SCN10A: variants seen among roughly 807,000 people sequenced by gnomAD.
The protein encoded by SCN10A is sodium voltage-gated channel alpha subunit 10.
In SCN10A, 162 loss-of-function variants were observed where a neutral mutation model predicts 170.7. That is an observed-to-expected ratio of 0.95 (90% CI 0.84 to 1.08). The LOEUF is 1.08. SCN10A is among the 50% of genes least tolerant of loss of function. SCN10A has a pLI of 0.00. For synonymous variants in SCN10A, 985 were observed against 904.6 expected, an observed-to-expected ratio of 1.09 and a Z score of -1.59; for missense variants, 2,527 against 2,436.9, an observed-to-expected ratio of 1.04 and a Z score of -0.78.
At chr3:38,722,744 G>A (rs921582333) in intron 19 of SCN10A, among the ~76,000 whole-genome samples, 1 of 152,164 alleles carries the variant, frequency 6.6e-6, no homozygotes. Flanking sequence ...GGTGCCTGAG[G>A]GGGATATGCT....
intron 4 of SCN10A, among the ~76,000 whole-genome samples, chr3:38,780,467 A>G (rs772524427): frequency 6.6e-6 from 1 of 152,090 alleles, no homozygotes; most frequent in Non-Finnish European, 1.5e-5. Context: ...TAGTGACATG[A>G]CAGATTTGCT....
chr3:38,742,140 A>G, intron 14 of SCN10A, 151 bp downstream of exon 14: 1 of 627,908 alleles, frequency 1.6e-6, no homozygotes, highest in Non-Finnish European at 2.8e-6. Context: ...CAGTGTCCAC[A>G]TGTCTCCTGC....
At chr3:38,783,055 AG>A (rs2064157962) in intron 4 of SCN10A, among the ~76,000 whole-genome samples, 1 of 152,096 alleles carries the variant, frequency 6.6e-6, no homozygotes, top group African/African-American at 2.4e-5. Context: ...TCTCACACAA[AG>A]GGGAGAAAGC....
chr3:38,776,271 A>G (rs9876564), intron 4 of SCN10A, among the ~76,000 whole-genome samples: 2,175 of 152,154 alleles, frequency 0.014, 59 homozygotes, highest in African/African-American at 0.048. Context: ...CATGCTTTGT[A>G]TTTTTACAAT....
chr3:38,785,675 T>A (rs980926481), intron 4 of SCN10A, among the ~76,000 whole-genome samples: 13 of 152,134 alleles, frequency 8.5e-5, no homozygotes, highest in African/African-American at 2.7e-4. Context: ...CAAAAGAAAC[T>A]ATCATCAGAG....
intron 23 of SCN10A, 142 bp downstream of exon 23, chr3:38,712,019 C>T (rs751224909): frequency 2.0e-5 from 15 of 760,236 alleles, no homozygotes; most frequent in Middle Eastern, 2.5e-4. Context: ...ATGGTGTAGT[C>T]TGTAGGAATA....
At chr3:38,799,560 AGAG>A (rs1239644024) in intron 1 of SCN10A, among the ~76,000 whole-genome samples, 1 of 152,210 alleles carries the variant, frequency 6.6e-6, no homozygotes, top group Non-Finnish European at 1.5e-5. Flanking sequence ...GCAGGGAGAT[AGAG>A]GAGAAGTCCC....
intron 15 of SCN10A, among the ~76,000 whole-genome samples, chr3:38,738,845 C>T (rs187111894): frequency 3.9e-5 from 6 of 152,252 alleles, no homozygotes; most frequent in East Asian, 1.9e-4. Context: ...CTGTAGAGGG[C>T]GTCCTGGAGC....
chr3:38,786,677 G>C (rs917440668), intron 4 of SCN10A, among the ~76,000 whole-genome samples: 4 of 152,100 alleles, frequency 2.6e-5, no homozygotes, highest in Non-Finnish European at 5.9e-5. Flanking sequence ...GTGAGGTGTT[G>C]ATCCACCTAG....
intron 5 of SCN10A, among the ~76,000 whole-genome samples, chr3:38,765,131 T>A (rs2063917668): frequency 6.6e-6 from 1 of 152,342 alleles, no homozygotes; most frequent in East Asian, 1.9e-4. Flanking sequence ...GAAGCATAGA[T>A]AACAAAGATT....
chr3:38,701,654 T>C (rs1051106244), intron 27 of SCN10A, among the ~76,000 whole-genome samples, 185 bp downstream of exon 27: 6 of 152,218 alleles, frequency 3.9e-5, no homozygotes, highest in African/African-American at 9.6e-5. Context: ...AACCTCTTCA[T>C]TTCACTGAGA....
chr3:38,729,091 C>T lies in SCN10A; in HGVS notation c.2281-190G>A, dbSNP rs763134030. Among the ~76,000 whole-genome samples, 74 of 152,248 alleles carry T rather than the reference C, an allele frequency of 4.9e-4. 2 individuals are homozygous for T. The highest frequency in any genetic ancestry group is 2.1e-4 in the Non-Finnish European group (14 of 68,018). Reference sequence around the variant, plus strand: ...TAAATTACTCAAAAATATGATCTGCCTTCTATGGTTCATAAGTATCAATGT... The same window carrying T: ...TAAATTACTCAAAAATATGATCTGCTTTCTATGGTTCATAAGTATCAATGT... On this transcript the variant is annotated intron_variant, in intron 15 of 27. Coordinates refer to ENST00000449082, the MANE Select transcript of SCN10A (RefSeq NM_006514.4).
rs746128576 is a variant in SCN10A, at chr3:38,793,882, C to T, written c.129G>A (p.Glu43=). Residue 43 remains glutamate, a synonymous_variant, in exon 2 of 28, where the codon GAG becomes GAA. Transcript: ENST00000449082. ...GTKKAREKHR[E]QKDQEEKPRP... ...GAGGCTTCTCTTCTTGGTCCTTCTG[C>T]TCCCTATGCTTCTCTCTGGCTTTCT... 1.2e-6 allele frequency: 2 copies of T among 1,614,098 alleles called. No individual in the cohort carries two copies. The highest frequency in any genetic ancestry group is 2.2e-5 in the South Asian group (2 of 91,086).
intron 4 of SCN10A, among the ~76,000 whole-genome samples, chr3:38,772,669 A>T (rs2064018825): frequency 6.6e-6 from 1 of 150,768 alleles, no homozygotes. Flanking sequence ...AGTCTGGGTG[A>T]CAGAGCAAGA....
intron 12 of SCN10A, among the ~76,000 whole-genome samples, chr3:38,751,279 C>A (rs1007250126): frequency 6.6e-6 from 1 of 152,204 alleles, no homozygotes; most frequent in Non-Finnish European, 1.5e-5. Context: ...ATCCCTTCAG[C>A]CTAGGCATGT....
At chr3:38,781,529 A>G (rs1210919431) in intron 4 of SCN10A, among the ~76,000 whole-genome samples, 1 of 152,070 alleles carries the variant, frequency 6.6e-6, no homozygotes, top group Non-Finnish European at 1.5e-5. Context: ...CACCATATTC[A>G]CCTGACCTCT....
chr3:38,698,188 A>G lies in SCN10A; in HGVS notation c.5032T>C (p.Cys1678Arg), dbSNP rs1165524626. ...TTGCTGTTGGGCAGATTGGGGTCAC[A>G]GTAGGGGGGCCCTGTGTTGAGGATG... ...SPILNTGPPY[C>R]DPNLPNSNGT... The change falls in exon 28 of 28, where the codon TGT becomes CGT. Residue 1678 changes from cysteine to arginine, a missense_variant. By Grantham distance (180) the Cys-to-Arg change is radical. Transcript: ENST00000449082. 6.2e-7 allele frequency: 1 copy of G among 1,614,142 alleles called. No individual in the cohort carries two copies. Among genetic ancestry groups the G allele is most frequent in the Non-Finnish European group, 8.5e-7 (1 of 1,180,030 alleles).
chr3:38,718,609 AG>A, intron 21 of SCN10A, 43 bp downstream of exon 21: 1 of 1,602,548 alleles, frequency 6.2e-7, no homozygotes, highest in Non-Finnish European at 8.5e-7. Context: ...CAGGAGTCAG[AG>A]GGGAGGACCC....
chr3:38,768,941 C>A (rs557178092), intron 5 of SCN10A, among the ~76,000 whole-genome samples: 2 of 152,222 alleles, frequency 1.3e-5, no homozygotes, highest in Admixed American at 6.5e-5. Context: ...GCCGATTTGT[C>A]ATTTTTTTAA....
Sources: allele counts gnomAD v4.1 joint callset (sites outside exome capture counted in the v4.1 genomes callset), GRCh38; gene constraint gnomAD v4.1.1; transcripts MANE v1.5; gene names NCBI Gene and HGNC (gene_info 2026-07-23, HGNC 2026-07-21).